RBFOX1: variants seen among roughly 807,000 people sequenced by gnomAD.
The protein encoded by RBFOX1 is RNA binding fox-1 homolog 1, also known as RNA binding protein fox-1 homolog 1.
A neutral mutation model predicts 57.7 loss-of-function variants in RBFOX1; 8 were observed. The ratio of observed to expected loss-of-function variants is 0.14; its 90% CI spans 0.08 to 0.25. RBFOX1 has a LOEUF of 0.25. Among genes scored for constraint, RBFOX1 ranks in the 10% least tolerant of loss-of-function variants. The pLI, the probability that RBFOX1 is intolerant of heterozygous loss-of-function variation, is 1.00. For missense variants in RBFOX1, 611 were observed against 548.5 expected (o/e 1.11, Z -1.14); for synonymous variants, 326 against 222.4 (o/e 1.47, Z -4.15).
chr16:6,594,576 C>T (rs975521725), intron 2 of RBFOX1, among the ~76,000 whole-genome samples: 1 of 152,034 alleles, frequency 6.6e-6, no homozygotes, highest in East Asian at 1.9e-4. Context: ...GTAAAAGCTC[C>T]TGTTTTTCAA....
At chr16:6,733,129 C>G (rs1015986644) in intron 3 of RBFOX1, among the ~76,000 whole-genome samples, 1 of 152,116 alleles carries the variant, frequency 6.6e-6, no homozygotes, top group African/African-American at 2.4e-5. Flanking sequence ...CTGTTGAATG[C>G]AAATATCAAA....
chr16:7,016,329 T>C (rs2093911076), intron 3 of RBFOX1, among the ~76,000 whole-genome samples: 1 of 152,146 alleles, frequency 6.6e-6, no homozygotes, highest in South Asian at 2.1e-4. Context: ...TGGGAGTTAA[T>C]ATGGTGTCAT....
intron 4 of RBFOX1, among the ~76,000 whole-genome samples, chr16:7,300,090 G>A (rs978723960): frequency 1.3e-5 from 2 of 152,108 alleles, no homozygotes; most frequent in East Asian, 3.9e-4. Flanking sequence ...AGATTTCACT[G>A]CCGTCTCCCT....
At position 7,194,468 on chromosome 16, in the gene RBFOX1, C is replaced by G. The variant is rs530353940; in HGVS notation, c.27+142370C>G. 9.1e-4 allele frequency among the ~76,000 whole-genome samples: 139 copies of G among 152,234 alleles called. 1 individual carries two copies. Among genetic ancestry groups the G allele is most frequent in the African/African-American group, 3.3e-3 (138 of 41,528 alleles). On this transcript the variant is annotated intron_variant, in intron 4 of 15. Coordinates refer to ENST00000550418, the MANE Select transcript of RBFOX1 (RefSeq NM_018723.4). ...TCTAGTGACTTTGGCAGTGGAACGG[C>G]TAGAGTTTGGGAAAATCTAGCTCTT... is the stretch of plus-strand genomic sequence containing the variant.
At chr16:7,139,296 T>A (rs931047511) in intron 4 of RBFOX1, among the ~76,000 whole-genome samples, 4 of 151,870 alleles carry the variant, frequency 2.6e-5, no homozygotes, top group Non-Finnish European at 5.9e-5. Flanking sequence ...ATGCAGAACA[T>A]CCAACATAAT....
intron 2 of RBFOX1, among the ~76,000 whole-genome samples, chr16:5,505,420 T>G (rs1032618161): frequency 2.6e-5 from 4 of 152,146 alleles, no homozygotes; most frequent in African/African-American, 9.7e-5. Flanking sequence ...CTACACATTT[T>G]TATAGGGTGG....
At chr16:6,241,959 G>T (rs1290764487) in intron 1 of RBFOX1, among the ~76,000 whole-genome samples, 3 of 152,182 alleles carry the variant, frequency 2.0e-5, no homozygotes, top group African/African-American at 7.2e-5. Flanking sequence ...ATTGGGAAAG[G>T]TCAGTGGAAG....
chr16:5,574,673 C>T (rs933299059), intron 2 of RBFOX1, among the ~76,000 whole-genome samples: 9 of 152,082 alleles, frequency 5.9e-5, no homozygotes, highest in East Asian at 1.9e-4. Context: ...TCAAGTGATC[C>T]GCCCACCTCG....
intron 1 of RBFOX1, among the ~76,000 whole-genome samples, chr16:6,150,042 A>G (rs2096786739): frequency 6.6e-6 from 1 of 152,228 alleles, no homozygotes; most frequent in Admixed American, 6.5e-5. Flanking sequence ...CAGCAGATGT[A>G]GAGCGCGATT....
At chr16:5,357,822 A>T (rs1404191499) in intron 1 of RBFOX1, among the ~76,000 whole-genome samples, 2 of 152,150 alleles carry the variant, frequency 1.3e-5, no homozygotes, top group African/African-American at 4.8e-5. Flanking sequence ...TTGCTTATTT[A>T]TCTGTGTGTA....
At chr16:6,090,353 A>G (rs548443972) in intron 1 of RBFOX1, among the ~76,000 whole-genome samples, 11 of 152,314 alleles carry the variant, frequency 7.2e-5, no homozygotes, top group Non-Finnish European at 1.5e-4. Flanking sequence ...AGGTATCATG[A>G]CATGCACATC....
At chr16:6,376,436 C>T (rs1240317680) in intron 2 of RBFOX1, among the ~76,000 whole-genome samples, 1 of 152,138 alleles carries the variant, frequency 6.6e-6, no homozygotes, top group Non-Finnish European at 1.5e-5. Context: ...GGACATGATC[C>T]CTCTGAAGGC....
intron 2 of RBFOX1, among the ~76,000 whole-genome samples, chr16:6,513,203 C>G (rs775816796): frequency 6.6e-6 from 1 of 152,134 alleles, no homozygotes; most frequent in Non-Finnish European, 1.5e-5. Context: ...GAATGCCTAG[C>G]ATATTGGGGC....
intron 1 of RBFOX1, among the ~76,000 whole-genome samples, chr16:5,446,310 C>T (rs2068237041): frequency 6.6e-6 from 1 of 151,810 alleles, no homozygotes; most frequent in South Asian, 2.1e-4. Context: ...TGCAGAAGAC[C>T]CGAAAAAGGA....
At chr16:5,470,922 G>C (rs944215547) in intron 2 of RBFOX1, among the ~76,000 whole-genome samples, 1 of 152,116 alleles carries the variant, frequency 6.6e-6, no homozygotes, top group Non-Finnish European at 1.5e-5. Context: ...TGCGATCTCA[G>C]CTCACTGCAA....
At chr16:6,216,416 C>G (rs2097336182) in intron 1 of RBFOX1, among the ~76,000 whole-genome samples, 2 of 152,152 alleles carry the variant, frequency 1.3e-5, no homozygotes. Flanking sequence ...AGAACAGATT[C>G]TAGTTAATAG....
intron 4 of RBFOX1, among the ~76,000 whole-genome samples, chr16:5,973,345 G>A (rs2152301565): frequency 6.6e-6 from 1 of 152,288 alleles, no homozygotes; most frequent in East Asian, 1.9e-4. Context: ...TCTATTCCCT[G>A]ACCACTCTTC....
intron 3 of RBFOX1, among the ~76,000 whole-genome samples, chr16:6,684,900 G>C (rs142273274): frequency 6.6e-6 from 1 of 152,222 alleles, no homozygotes; most frequent in Non-Finnish European, 1.5e-5. Flanking sequence ...CTATACATAC[G>C]AAGTCCTAGG....
intron 3 of RBFOX1, among the ~76,000 whole-genome samples, chr16:5,788,419 A>C (rs912915945): frequency 2.1e-4 from 32 of 152,218 alleles, no homozygotes; most frequent in African/African-American, 7.7e-4. Context: ...ACCTGATCTC[A>C]GGAGTTTGAG....
Sources: allele counts gnomAD v4.1 joint callset (sites outside exome capture counted in the v4.1 genomes callset), GRCh38; gene constraint gnomAD v4.1.1; transcripts MANE v1.5; gene names NCBI Gene and HGNC (gene_info 2026-07-23, HGNC 2026-07-21).